The following NSUN7 variants were observed in gnomAD, a reference collection of about 807,000 sequenced individuals.
NSUN7 encodes protein NSUN7.
A neutral mutation model predicts 58.5 loss-of-function variants in NSUN7; 39 were observed. The ratio of observed to expected loss-of-function variants is 0.67; its 90% CI spans 0.52 to 0.87. The LOEUF (loss-of-function observed/expected upper bound fraction) is 0.87, where lower values mean the gene tolerates loss of function less well. Among genes scored for constraint, NSUN7 ranks in the 40% least tolerant of loss-of-function variants. The pLI, the probability that NSUN7 is intolerant of heterozygous loss-of-function variation, is 0.00. For missense variants in NSUN7, 765 were observed against 844.1 expected, an observed-to-expected ratio of 0.91 and a Z score of 1.16; for synonymous variants, 278 against 303.7, an observed-to-expected ratio of 0.92 and a Z score of 0.88.
chr4:40,782,003 A>G (rs967750430), intron 7 of NSUN7, among the ~76,000 whole-genome samples: 1 of 152,226 alleles, frequency 6.6e-6, no homozygotes, highest in African/African-American at 2.4e-5. Context: ...CCTAAAATAT[A>G]TAGAGAGTAA....
chr4:40,771,014 G>A (rs1411571547), intron 4 of NSUN7, among the ~76,000 whole-genome samples: 2 of 152,172 alleles, frequency 1.3e-5, no homozygotes, highest in Non-Finnish European at 2.9e-5. Context: ...TTGCACCACT[G>A]CACTCCAGCC....
At chr4:40,766,512 A>C (rs546759352) in intron 4 of NSUN7, among the ~76,000 whole-genome samples, 75 of 152,236 alleles carry the variant, frequency 4.9e-4, no homozygotes, top group African/African-American at 1.8e-3. Flanking sequence ...TTTCGCATCA[A>C]TGTTCATCAA....
intron 4 of NSUN7, among the ~76,000 whole-genome samples, chr4:40,772,059 C>A (rs2437342): frequency 0.78 from 118,351 of 151,948 alleles, 46,338 homozygotes; most frequent in Admixed American, 0.83. Flanking sequence ...AATATAGTAT[C>A]TTTACATAAA....
rs530278520 is a variant in NSUN7 at position 40,808,613 on chromosome 4, C to G, written c.1831C>G (p.Pro611Ala). ...GACCAGAAAACCCAACAAGCTGGCCCCCCATCCTGCAGTGCCTGCATTTGT... is the reference window on the plus strand; with the variant it reads ...GACCAGAAAACCCAACAAGCTGGCCGCCCATCCTGCAGTGCCTGCATTTGT... ...SQTRKPNKLA[P>A]HPAVPAFVKN... Residue 611 changes from proline (P) to alanine (A), a missense_variant, in exon 12 of 12, where the codon CCC becomes GCC. Pro to Ala is a conservative substitution (Grantham distance 27, BLOSUM62 -1). Transcript: ENST00000381782. The G allele has an allele frequency of 6.4e-7, 1 of 1,551,756 alleles. No individual in the cohort carries two copies. The highest frequency in any genetic ancestry group is 2.4e-5 in the East Asian group (1 of 40,920).
intron 1 of NSUN7, 142 bp from the exon 2 acceptor site, chr4:40,750,457 TTTTG>T: frequency 8.6e-6 from 4 of 465,322 alleles, no homozygotes; most frequent in Non-Finnish European, 7.6e-6. Flanking sequence ...TTTTTTTTTT[TTTTG>T]AGCGTCCCAG....
At chr4:40,806,394 G>A (rs574319596) in intron 10 of NSUN7, among the ~76,000 whole-genome samples, 3 of 152,034 alleles carry the variant, frequency 2.0e-5, no homozygotes, top group Non-Finnish European at 4.4e-5. Context: ...AATAATATAA[G>A]CCTGGAAATA....
chr4:40,802,116 A>C (rs927948179), intron 10 of NSUN7, among the ~76,000 whole-genome samples: 3 of 151,974 alleles, frequency 2.0e-5, no homozygotes, highest in Non-Finnish European at 2.9e-5. Context: ...TTATTTTGGT[A>C]AGAGAGTCAA....
chr4:40,797,680 C>G (rs1743380348), intron 9 of NSUN7, among the ~76,000 whole-genome samples: 1 of 152,196 alleles, frequency 6.6e-6, no homozygotes, highest in African/African-American at 2.4e-5. Flanking sequence ...ACTTGAATTA[C>G]TGTAATGACC....
chr4:40,802,727 A>G (rs1743640115), intron 10 of NSUN7, among the ~76,000 whole-genome samples: 1 of 151,564 alleles, frequency 6.6e-6, no homozygotes, highest in African/African-American at 2.4e-5. Context: ...ACAATTACAT[A>G]TATTGCATGA....
chr4:40,786,154 C>G (rs1301693345), intron 7 of NSUN7: 3 of 1,612,002 alleles, frequency 1.9e-6, no homozygotes, highest in Non-Finnish European at 2.5e-6. Flanking sequence ...CCTGTCCAAC[C>G]TGCCTTCATT....
At chr4:40,759,325 A>T (rs1741324995) in intron 2 of NSUN7, among the ~76,000 whole-genome samples, 2 of 152,178 alleles carry the variant, frequency 1.3e-5, no homozygotes, top group African/African-American at 4.8e-5. Flanking sequence ...ATAAATAAAT[A>T]AATAAAATAA....
chr4:40,751,042 A>G (rs1167696012), intron 2 of NSUN7, 51 bp downstream of exon 2: 2 of 1,584,588 alleles, frequency 1.3e-6, no homozygotes, highest in African/African-American at 1.3e-5. Context: ...TAATAGCGAG[A>G]GAATTTGGGG....
rs761448412 is a variant in NSUN7 at position 40,799,073 on chromosome 4, C to CTTTTTTTT, written c.1400+191_1400+198dup. On this transcript the variant is annotated intron_variant, in intron 10 of 11. Coordinates refer to ENST00000381782, the MANE Select transcript of NSUN7 (RefSeq NM_024677.6). ...AACCAAGATTCCATAGGGCCTTTTT[C>CTTTTTTTT]TTTTTTTTTTTTTTTTTTTTTTTTT... Among the ~76,000 whole-genome samples, 412 of 76,184 alleles carry CTTTTTTTT rather than the reference C, an allele frequency of 5.4e-3. 95 individuals are homozygous for CTTTTTTTT. The highest frequency in any genetic ancestry group is 0.016 in the African/African-American group (319 of 20,132). The allele number at this position is 76,184 out of a possible 152,430, so 50.0% of individuals were successfully genotyped here. A position where few individuals can be genotyped will look rare whatever the true frequency, so the allele number is the denominator to read the frequency against.
chr4:40,779,319 C>T (rs1742414513), intron 7 of NSUN7, among the ~76,000 whole-genome samples: 2 of 152,020 alleles, frequency 1.3e-5, no homozygotes, highest in African/African-American at 4.8e-5. Flanking sequence ...AAGACCCTGT[C>T]TCTGCCAGGC....
At chr4:40,758,095 T>C (rs2154286576) in intron 2 of NSUN7, among the ~76,000 whole-genome samples, 1 of 152,246 alleles carries the variant, frequency 6.6e-6, no homozygotes, top group South Asian at 2.1e-4. Flanking sequence ...ATTTTTTGTA[T>C]TTTTAGTAGA....
At chr4:40,774,625 T>A (rs1207577347) in intron 5 of NSUN7, 142 bp from the exon 6 acceptor site, 2 of 705,710 alleles carry the variant, frequency 2.8e-6, no homozygotes, top group African/African-American at 3.6e-5. Flanking sequence ...TCTTTTAGTT[T>A]ATTGTTGGTT....
rs1287600092 is a variant in NSUN7 at position 40,761,255 on chromosome 4, G to A, written c.442G>A (p.Glu148Lys). Residue 148 changes from glutamate to lysine, a missense_variant, in exon 4 of 12, where the codon GAA becomes AAA. Glu to Lys is a moderately conservative substitution (Grantham distance 56, BLOSUM62 1). Transcript: ENST00000381782. ...KFQTRVLSDN[E>K]EPISEVQEVE... is the part of the protein sequence containing the mutation. ...TCAAACTCGTGTCCTTTCTGATAATGAAGAGCCCATATCAGAAGTTCAAGA... is the reference window on the plus strand; with the variant it reads ...TCAAACTCGTGTCCTTTCTGATAATAAAGAGCCCATATCAGAAGTTCAAGA... The A allele has an allele frequency of 1.3e-6, 2 of 1,594,730 alleles. No individual in the cohort carries two copies. The highest frequency in any genetic ancestry group is 1.7e-6 in the Non-Finnish European group (2 of 1,174,722).
At chr4:40,799,073 C>CTTTTTTTTTTTTTTTT (rs761448412) in intron 10 of NSUN7, among the ~76,000 whole-genome samples, 169 bp downstream of exon 10, 4 of 76,242 alleles carry the variant, frequency 5.2e-5, no homozygotes, top group African/African-American at 1.5e-4. Flanking sequence ...GGGCCTTTTT[C>CTTTTTTTTTTTTTTTT]TTTTTTTTTT....
intron 11 of NSUN7, 114 bp downstream of exon 11, chr4:40,807,298 A>G (rs943692630): frequency 2.0e-6 from 2 of 978,174 alleles, no homozygotes; most frequent in African/African-American, 3.4e-5. Context: ...TGCATTTCAC[A>G]AACACATTTC....
Sources: allele counts gnomAD v4.1 joint callset (sites outside exome capture counted in the v4.1 genomes callset), GRCh38; gene constraint gnomAD v4.1.1; transcripts MANE v1.5; gene names NCBI Gene and HGNC (gene_info 2026-07-23, HGNC 2026-07-21).